The following GALNS variants were observed in gnomAD, a reference collection of about 807,000 sequenced individuals.
GALNS encodes the protein galactosamine (N-acetyl)-6-sulfatase.
In GALNS, 65 loss-of-function variants were observed where a neutral mutation model predicts 65.9. The observed-to-expected ratio is 0.99, with a 90% confidence interval of 0.81 to 1.21. GALNS has a LOEUF of 1.21. Among genes scored for constraint, GALNS ranks in the 50% most tolerant of loss-of-function variants. The pLI, the probability that GALNS is intolerant of heterozygous loss-of-function variation, is 0.00. For synonymous variants in GALNS, 346 were observed against 288.9 expected (o/e 1.20, Z -2.00); for missense variants, 776 against 700.7 (o/e 1.11, Z -1.21).
chr16:88,827,335 G>A (rs899170793), intron 9 of GALNS, among the ~76,000 whole-genome samples: 4 of 152,212 alleles, frequency 2.6e-5, no homozygotes, highest in African/African-American at 9.6e-5. Context: ...GGACAGGCAG[G>A]AGGCTGTCTT....
chr16:88,842,934 A>C, intron 1 of GALNS, 105 bp from the exon 2 acceptor site: 1 of 1,544,980 alleles, frequency 6.5e-7, no homozygotes, highest in African/African-American at 1.4e-5. Flanking sequence ...CGTGGAAGCC[A>C]GCACCACCCT....
chr16:88,852,846 T>A (rs1567545934), intron 1 of GALNS, among the ~76,000 whole-genome samples: 1 of 152,166 alleles, frequency 6.6e-6, no homozygotes, highest in Non-Finnish European at 1.5e-5. Flanking sequence ...TCCCAGCTAC[T>A]CAGGAGGCTG....
At position 88,835,783 on chromosome 16, in the gene GALNS, C is replaced by T. The variant is rs368603508; in HGVS notation, c.700G>A (p.Ala234Thr). The T allele has an allele frequency of 1.1e-5, 17 of 1,613,980 alleles. No individual in the cohort carries two copies. Among genetic ancestry groups the T allele is most frequent in the African/African-American group, 9.3e-5 (7 of 74,928 alleles). ...GAGGCATAGACGGGTGCGTGCGTGG[C>T]GTCGACAGCCCAGTAGAGGAAAAAG... ...HPFFLYWAVD[A>T]THAPVYASKP... The change falls in exon 7 of 14, where the codon GCC becomes ACC. Residue 234 changes from alanine (A) to threonine (T), a missense_variant. By Grantham distance (58) the Ala-to-Thr change is moderately conservative (BLOSUM62 0). Coordinates refer to ENST00000268695, the MANE Select transcript of GALNS (RefSeq NM_000512.5).
At chr16:88,856,604 C>G in intron 1 of GALNS, 154 bp downstream of exon 1, 1 of 563,652 alleles carries the variant, frequency 1.8e-6, no homozygotes, top group South Asian at 1.7e-5. Flanking sequence ...TCCCCCTCCT[C>G]CTCCCCGCGC....
chr16:88,838,287 GGCGGGGCGTTGTGTGCCGT>G (rs1432751025), intron 4 of GALNS, among the ~76,000 whole-genome samples: 2 of 152,202 alleles, frequency 1.3e-5, no homozygotes, highest in Non-Finnish European at 2.9e-5. Flanking sequence ...ATGACGACTG[GGCGGGGCGTTGTGTGCCGT>G]GCGGGAGCCC....
chr16:88,842,957 G>A, intron 1 of GALNS, 128 bp from the exon 2 acceptor site: 1 of 1,532,502 alleles, frequency 6.5e-7, no homozygotes, highest in Middle Eastern at 2.0e-4. Context: ...GTCCCAGCCA[G>A]CGGCAGAGCT....
intron 1 of GALNS, chr16:88,855,732 C>T (rs1375079022): frequency 3.5e-6 from 2 of 569,984 alleles, no homozygotes; most frequent in East Asian, 3.0e-5. Flanking sequence ...TTTTACACTA[C>T]CAGCACCTTC....
chr16:88,842,666 G>C (rs749709903), intron 2 of GALNS, 40 bp downstream of exon 2: 3 of 1,608,190 alleles, frequency 1.9e-6, no homozygotes, highest in Non-Finnish European at 2.5e-6. Flanking sequence ...CGGCCTGTTG[G>C]GCTCACCCCT....
At chr16:88,830,878 TG>T (rs112834950) in intron 9 of GALNS, among the ~76,000 whole-genome samples, 5 of 152,000 alleles carry the variant, frequency 3.3e-5, no homozygotes, top group African/African-American at 1.2e-4. Context: ...AGATGTGCTT[TG>T]GGGGAAAAAA....
intron 3 of GALNS, among the ~76,000 whole-genome samples, chr16:88,841,415 A>AG (rs112154969): frequency 4.0e-5 from 6 of 151,498 alleles, no homozygotes; most frequent in African/African-American, 1.5e-4. Flanking sequence ...CCTGGTCTCC[A>AG]GGGGTCTCTG....
At chr16:88,825,016 AGGCCCGC>A in intron 10 of GALNS, 147 bp from the exon 11 acceptor site, 1 of 680,986 alleles carries the variant, frequency 1.5e-6, no homozygotes, top group Non-Finnish European at 2.5e-6. Flanking sequence ...AAAAGTAAAA[AGGCCCGC>A]AAGGTGGCTG....
At position 88,817,092 on chromosome 16, in the gene GALNS, G is replaced by C. The variant is rs1006279341; in HGVS notation, c.1482+915C>G. On this transcript the variant is annotated intron_variant, in intron 13 of 13. Transcript: ENST00000268695. ...GGAGCTGTGAAGACCTGCCCTGCTG[G>C]GACCCACATCAGCTGTGCTGGGAAA... 20 of 985,432 alleles carry C rather than the reference G, an allele frequency of 2.0e-5. No homozygotes were observed. In the Admixed American group the frequency reaches 8.0e-4, roughly 39 times the overall value. The allele number at this position is 985,432 out of a possible 1,614,324, so 61.0% of individuals were successfully genotyped here. A position where few individuals can be genotyped will look rare whatever the true frequency, so the allele number is the denominator to read the frequency against.
intron 12 of GALNS, among the ~76,000 whole-genome samples, chr16:88,820,750 AC>A (rs969070731): frequency 7.9e-5 from 12 of 151,690 alleles, no homozygotes; most frequent in African/African-American, 2.9e-4. Context: ...GGCCCTGAGG[AC>A]CCCCCTGTGG....
At chr16:88,842,659 C>A in intron 2 of GALNS, 47 bp downstream of exon 2, 2 of 1,605,780 alleles carry the variant, frequency 1.2e-6, no homozygotes, top group Non-Finnish European at 1.7e-6. Flanking sequence ...GAGGCCTCGG[C>A]CTGTTGGGCT....
intron 12 of GALNS, among the ~76,000 whole-genome samples, chr16:88,819,998 T>A (rs952015757): frequency 2.0e-5 from 3 of 151,912 alleles, no homozygotes; most frequent in African/African-American, 7.3e-5. Flanking sequence ...GGCCTTAATT[T>A]TTTATTTTCT....
chr16:88,837,723 T>C lies in GALNS; in HGVS notation c.465A>G (p.Gly155=), dbSNP rs1230105109. 5 of 1,613,916 alleles carry C rather than the reference T, an allele frequency of 3.1e-6. No individual in the cohort carries two copies. In the Admixed American group the frequency reaches 6.7e-5, roughly 22 times the overall value. ...HRPQFHPLKH[G]FDEWFGSPNC... Reference sequence around the variant, plus strand: ...TGGGGGATCCAAACCACTCATCAAATCCGTGCTTCAGGGGGTGGAACTGGG... The same window carrying C: ...TGGGGGATCCAAACCACTCATCAAACCCGTGCTTCAGGGGGTGGAACTGGG... Residue 155 remains glycine (G), a synonymous_variant, in exon 5 of 14, where the codon GGA becomes GGG. Coordinates refer to ENST00000268695, the MANE Select transcript of GALNS (RefSeq NM_000512.5).
Position 88,816,499 on chromosome 16 carries a change from G to A in GALNS, c.1482+1508C>T, listed in dbSNP as rs549635500. 6.5e-4 allele frequency: 641 copies of A among 985,128 alleles called. 6 individuals carry two copies. The South Asian group carries it at 0.025, about 38-fold the overall frequency. The allele number at this position is 985,128 out of a possible 1,614,324, so 61.0% of individuals were successfully genotyped here. A position where few individuals can be genotyped will look rare whatever the true frequency, so the allele number is the denominator to read the frequency against. On this transcript the variant is annotated intron_variant, in intron 13 of 13. Transcript: ENST00000268695. ...GGAAGGGCCCTGAATATCTTCCTAT[G>A]AAACTTGCCAGGCACCCCCGCCCCC... is the stretch of plus-strand genomic sequence containing the variant.
Position 88,826,701 on chromosome 16 carries a change from C to T in GALNS, c.1139+1G>A, listed in dbSNP as rs765608680. 1 of 1,612,380 alleles carries T rather than the reference C, an allele frequency of 6.2e-7. No individual in the cohort carries two copies. The highest frequency in any genetic ancestry group is 8.5e-7 in the Non-Finnish European group (1 of 1,179,580). ...GGGGCCGGGGCAGGTCTAGCACCAA[C>T]CTGTCCATCAGCCGGCCCTGCAGGA... On this transcript the variant is annotated splice_donor_variant, in intron 10 of 13. Transcript: ENST00000268695. LOFTEE classifies it high-confidence loss of function.
intron 8 of GALNS, 78 bp downstream of exon 8, chr16:88,835,135 T>G (rs1009923742): frequency 1.8e-5 from 27 of 1,536,452 alleles, no homozygotes; most frequent in Non-Finnish European, 2.1e-5. Context: ...ACAGACCCCG[T>G]GGGCACAGCC....
Sources: allele counts gnomAD v4.1 joint callset (sites outside exome capture counted in the v4.1 genomes callset), GRCh38; gene constraint gnomAD v4.1.1; transcripts MANE v1.5; gene names NCBI Gene and HGNC (gene_info 2026-07-23, HGNC 2026-07-21).